MTA1: variants seen among roughly 807,000 people sequenced by gnomAD.
MTA1 encodes metastasis associated 1.
MTA1 carries 15 observed loss-of-function variants against 97.0 expected under a neutral mutation model. That is an observed-to-expected ratio of 0.15 (90% CI 0.10 to 0.24). The LOEUF (loss-of-function observed/expected upper bound fraction) is 0.24. MTA1 is among the 10% of genes least tolerant of loss of function. The pLI is 1.00. For synonymous variants in MTA1, 435 were observed against 417.5 expected (o/e 1.04, Z -0.51); for missense variants, 709 against 1,015.1 (o/e 0.70, Z 4.10).
rs587656138 is a variant in MTA1 at position 105,425,784 on chromosome 14, C to T, written c.28+5721C>T. 1.3e-3 allele frequency among the ~76,000 whole-genome samples: 193 copies of T among 151,938 alleles called. 1 individual carries two copies. Among genetic ancestry groups the T allele is most frequent in the Admixed American group, 3.7e-3 (57 of 15,268 alleles). The stretch of plus-strand genomic sequence containing the variant: ...CCAAGCCCAGGGAGGCTGGGGCCAC[C>T]CTCATAGTGCAAGGCCACCCAGCAC... On this transcript the variant is annotated intron_variant, in intron 1 of 20. Transcript: ENST00000331320.
Position 105,424,499 on chromosome 14 carries a change from C to CTTTTTTTTTT in MTA1, c.28+4437_28+4446dup, listed in dbSNP as rs111628172. Among the ~76,000 whole-genome samples the CTTTTTTTTTT allele has an allele frequency of 6.8e-6, 1 of 146,938 alleles. No homozygotes were observed. On this transcript the variant is annotated intron_variant, in intron 1 of 20. Coordinates refer to ENST00000331320, the MANE Select transcript of MTA1 (RefSeq NM_004689.4). This position sits in a 1 kb window ranked among gnomAD's most constrained non-coding sequence, Gnocchi z 4.0. ...TACAGGCGTGAGCCACTGCGTCTGGCTTTTTTTTTTGTTTTTGAGACAGTC... is the reference window on the plus strand; with the variant it reads ...TACAGGCGTGAGCCACTGCGTCTGGCTTTTTTTTTTTTTTTTTTTTGTTTTTGAGACAGTC...
chr14:105,422,129 G>T lies in MTA1; in HGVS notation c.28+2066G>T, dbSNP rs1279080723. On this transcript the variant is annotated intron_variant, in intron 1 of 20. Coordinates refer to ENST00000331320, the MANE Select transcript of MTA1 (RefSeq NM_004689.4). This position sits in a 1 kb window ranked among gnomAD's most constrained non-coding sequence, Gnocchi z 4.3. Reference sequence around the variant, plus strand: ...CTCGGAGCTGTCAGGCCCCCCACGTGCCCGCCCCGAGGACTTCCTCTCCCT... The same window carrying T: ...CTCGGAGCTGTCAGGCCCCCCACGTTCCCGCCCCGAGGACTTCCTCTCCCT... Among the ~76,000 whole-genome samples, 1 of 152,184 alleles carries T rather than the reference G, an allele frequency of 6.6e-6. No homozygotes were observed. Among genetic ancestry groups the T allele is most frequent in the Non-Finnish European group, 1.5e-5 (1 of 68,022 alleles).
Position 105,466,428 on chromosome 14 carries a change from A to AGCCCC in MTA1, c.1627_1628insGCCCC (p.Thr543SerfsTer13). The AGCCCC allele has an allele frequency of 1.3e-6, 1 of 795,144 alleles. No individual in the cohort carries two copies. 49.3% of individuals were successfully genotyped at this position (795,144 alleles called of 1,614,324 possible). A position where few individuals can be genotyped will look rare whatever the true frequency, so the allele number is the denominator to read the frequency against. On this transcript the variant is annotated frameshift_variant, in exon 17 of 21. Transcript: ENST00000331320. LOFTEE classifies it high-confidence loss of function. ...TCTGCCTGTGTCATTCCCGGCAGAG[A>AGCCCC]CCCACCCCCGCCCCCCCAAGCCTGA...
At chr14:105,438,215 G>T (rs782106019) in intron 1 of MTA1, among the ~76,000 whole-genome samples, 1 of 152,204 alleles carries the variant, frequency 6.6e-6, no homozygotes, top group Admixed American at 6.5e-5. Flanking sequence ...CTGGTGGCTG[G>T]TGGTGGCCAC....
chr14:105,422,632 T>C lies in MTA1; in HGVS notation c.28+2569T>C, dbSNP rs940362054. On this transcript the variant is annotated intron_variant, in intron 1 of 20. Coordinates refer to ENST00000331320, the MANE Select transcript of MTA1 (RefSeq NM_004689.4). The surrounding 1 kb of genome is among the most constrained non-coding windows in gnomAD (Gnocchi z 4.3). ...TATTAGTGTAAGTATGTCCCAAATA[T>C]GGCATGGGACATACTTGTCCCAGAA... 6.6e-6 allele frequency among the ~76,000 whole-genome samples: 1 copy of C among 152,200 alleles called. No homozygotes were observed. The highest frequency in any genetic ancestry group is 6.5e-5 in the Admixed American group (1 of 15,290).
At chr14:105,438,624 T>G in intron 1 of MTA1, 48 bp from the exon 2 acceptor site, 1 of 1,576,290 alleles carries the variant, frequency 6.3e-7, no homozygotes, top group Non-Finnish European at 8.7e-7. Flanking sequence ...TGGGACTGGG[T>G]CTGGCCTTTG....
At chr14:105,441,557 G>C (rs782806175) in intron 2 of MTA1, among the ~76,000 whole-genome samples, 4 of 152,212 alleles carry the variant, frequency 2.6e-5, no homozygotes, top group African/African-American at 7.2e-5. Context: ...CACTTTGAGA[G>C]GCCGAGGCGG....
At chr14:105,441,769 G>T (rs1472826776) in intron 2 of MTA1, among the ~76,000 whole-genome samples, 1 of 152,172 alleles carries the variant, frequency 6.6e-6, no homozygotes, top group African/African-American at 2.4e-5. Context: ...ACTCCAGCCT[G>T]GGCGACAGAG....
chr14:105,429,018 C>T lies in MTA1; in HGVS notation c.28+8955C>T, dbSNP rs587661679. ...GGATTACAGGCATGAGCCATTGTGC[C>T]CAGCCTCACCTTGCACTTTTATGTG... is the stretch of plus-strand genomic sequence containing the variant. On this transcript the variant is annotated intron_variant, in intron 1 of 20. Coordinates refer to ENST00000331320, the MANE Select transcript of MTA1 (RefSeq NM_004689.4). Among the ~76,000 whole-genome samples, 6 of 152,336 alleles carry T rather than the reference C, an allele frequency of 3.9e-5. No homozygotes were observed. In the South Asian group the frequency reaches 1.2e-3, roughly 32 times the overall value.
intron 2 of MTA1, among the ~76,000 whole-genome samples, chr14:105,443,465 A>G (rs587672409): frequency 1.3e-5 from 2 of 152,234 alleles, no homozygotes; most frequent in South Asian, 4.2e-4. Flanking sequence ...TTGACCTCCC[A>G]GGCCCAAGTG....
At chr14:105,445,226 G>A (rs1412167731) in intron 2 of MTA1, among the ~76,000 whole-genome samples, 192 bp from the exon 3 acceptor site, 3 of 152,192 alleles carry the variant, frequency 2.0e-5, no homozygotes, top group South Asian at 2.1e-4. Context: ...CTTCTCCCCT[G>A]GGATAGACGC....
intron 18 of MTA1, chr14:105,468,913 C>T (rs2083709725): frequency 6.2e-6 from 2 of 320,742 alleles, no homozygotes; most frequent in South Asian, 4.8e-5. Context: ...GCTCCTCACC[C>T]TGCACTGTGG....
rs587699116 is a variant in MTA1 at position 105,423,990 on chromosome 14, C to A, written c.28+3927C>A. ...AAGGCAGGGAAGAGCCCTGGAGACA[C>A]GGCCGTCCTGTGAGCACCAGGAGCG... On this transcript the variant is annotated intron_variant, in intron 1 of 20. Coordinates refer to ENST00000331320, the MANE Select transcript of MTA1 (RefSeq NM_004689.4). 3.3e-5 allele frequency among the ~76,000 whole-genome samples: 5 copies of A among 152,344 alleles called. No individual in the cohort carries two copies. In the South Asian group the frequency reaches 1.0e-3, roughly 32 times the overall value.
chr14:105,442,576 G>C (rs188506841), intron 2 of MTA1, among the ~76,000 whole-genome samples: 3 of 152,260 alleles, frequency 2.0e-5, no homozygotes, highest in African/African-American at 7.2e-5. Context: ...AAAGGTGTTC[G>C]AAGGAAGAGA....
intron 1 of MTA1, among the ~76,000 whole-genome samples, chr14:105,433,199 C>T (rs117602129): frequency 2.1e-3 from 317 of 152,258 alleles, no homozygotes; most frequent in Non-Finnish European, 3.3e-3. Context: ...CCAGCAGAGA[C>T]GTGGGCGGTG....
chr14:105,449,059 T>G (rs1333708002), intron 3 of MTA1: 4 of 394,822 alleles, frequency 1.0e-5, no homozygotes, highest in African/African-American at 8.4e-5. Flanking sequence ...GACAGCCTGT[T>G]CTGGGAAGCC....
chr14:105,440,653 C>T (rs1019801816), intron 2 of MTA1, among the ~76,000 whole-genome samples: 2 of 152,260 alleles, frequency 1.3e-5, no homozygotes, highest in African/African-American at 4.8e-5. Flanking sequence ...CCCTCCTCCT[C>T]AGGGCCAGGG....
At position 105,424,747 on chromosome 14, in the gene MTA1, C is replaced by T. The variant is rs1185725780; in HGVS notation, c.28+4684C>T. On this transcript the variant is annotated intron_variant, in intron 1 of 20. Coordinates refer to ENST00000331320, the MANE Select transcript of MTA1 (RefSeq NM_004689.4). This position sits in a 1 kb window ranked among gnomAD's most constrained non-coding sequence, Gnocchi z 4.0. ...CTGACCTCAAGTGATCCACCCGCCTCGGCCTCCCAAAGTGCTGGGATTACA... is the reference window on the plus strand; with the variant it reads ...CTGACCTCAAGTGATCCACCCGCCTTGGCCTCCCAAAGTGCTGGGATTACA... Among the ~76,000 whole-genome samples, 6 of 152,162 alleles carry T rather than the reference C, an allele frequency of 3.9e-5. No individual in the cohort carries two copies. The highest frequency in any genetic ancestry group is 8.8e-5 in the Non-Finnish European group (6 of 68,026).
Position 105,470,343 on chromosome 14 carries a change from C to T in MTA1, c.*128C>T, listed in dbSNP as rs1359187282. The T allele has an allele frequency of 2.6e-6, 2 of 764,876 alleles. No individual in the cohort carries two copies. The highest frequency in any genetic ancestry group is 3.8e-6 in the Non-Finnish European group (2 of 527,802). The allele number at this position is 764,876 out of a possible 1,614,324, so 47.4% of individuals were successfully genotyped here. A position where few individuals can be genotyped will look rare whatever the true frequency, so the allele number is the denominator to read the frequency against. ...CCGCCCTCACCTGCAGAGAAACGCG[C>T]TCCTTGGCGGACACTGGGGGAGGAG... On this transcript the variant is annotated 3_prime_UTR_variant, in exon 21 of 21. Coordinates refer to ENST00000331320, the MANE Select transcript of MTA1 (RefSeq NM_004689.4).
Sources: allele counts gnomAD v4.1 joint callset (sites outside exome capture counted in the v4.1 genomes callset), GRCh38; gene constraint gnomAD v4.1.1; non-coding constraint Gnocchi (gnomAD v3.1); transcripts MANE v1.5; gene names NCBI Gene and HGNC (gene_info 2026-07-23, HGNC 2026-07-21).